The following RBFOX3 variants were observed in gnomAD, a reference collection of about 807,000 sequenced individuals.
The protein encoded by RBFOX3 is RNA binding fox-1 homolog 3.
In RBFOX3, 17 loss-of-function variants were observed where a neutral mutation model predicts 48.7. The observed-to-expected ratio is 0.35, with a 90% CI of 0.24 to 0.52. RBFOX3 has a LOEUF of 0.52. RBFOX3 is among the 20% of genes least tolerant of loss of function. The probability of loss-of-function intolerance (pLI) is 0.94; values close to 1 mark genes in which losing one functional copy is unlikely to be tolerated. For missense variants in RBFOX3, 382 were observed against 497.5 expected (o/e 0.77, Z 2.21); for synonymous variants, 212 against 209.5 (o/e 1.01, Z -0.10).
intron 4 of RBFOX3, among the ~76,000 whole-genome samples, chr17:79,203,129 C>A (rs1297146488): frequency 6.6e-6 from 1 of 151,590 alleles, no homozygotes; most frequent in Non-Finnish European, 1.5e-5. Context: ...TAGAAAGTGG[C>A]CCCTCGGGAT....
intron 2 of RBFOX3, among the ~76,000 whole-genome samples, chr17:79,476,560 C>T (rs895486408): frequency 1.3e-5 from 2 of 152,270 alleles, no homozygotes; most frequent in Non-Finnish European, 2.9e-5. Context: ...CCAGTCAGTT[C>T]AGGGCGTGTG....
the RBFOX3 span, among the ~76,000 whole-genome samples, chr17:79,616,663 A>C: frequency 1.3e-5 from 2 of 151,226 alleles, no homozygotes; most frequent in African/African-American, 2.4e-5. Flanking sequence ...TATGTGTCGG[A>C]TCTCCCCTTC....
intron 6 of RBFOX3, among the ~76,000 whole-genome samples, chr17:79,105,228 G>A (rs2077146012): frequency 6.6e-6 from 1 of 152,228 alleles, no homozygotes; most frequent in Admixed American, 6.5e-5. Context: ...AAAAGAGGGG[G>A]ACAGTAACCT....
the RBFOX3 span, among the ~76,000 whole-genome samples, chr17:79,621,887 C>T: frequency 1.3e-5 from 2 of 151,524 alleles, no homozygotes; most frequent in Non-Finnish European, 2.9e-5. Context: ...CAAGATCGAG[C>T]GTGTGTTCAT....
At chr17:79,638,111 T>C in the RBFOX3 span, among the ~76,000 whole-genome samples, 1 of 152,066 alleles carries the variant, frequency 6.6e-6, no homozygotes, top group African/African-American at 2.4e-5. Context: ...GAAAGCTTAT[T>C]AAAATAAATG....
chr17:79,639,799 T>C, the RBFOX3 span, among the ~76,000 whole-genome samples: 2 of 152,144 alleles, frequency 1.3e-5, no homozygotes, highest in South Asian at 4.1e-4. Context: ...CCATTCATGA[T>C]TAAAACTCTC....
At chr17:79,542,688 C>A (rs1555790686) in intron 1 of RBFOX3, among the ~76,000 whole-genome samples, 1 of 152,148 alleles carries the variant, frequency 6.6e-6, no homozygotes, top group Non-Finnish European at 1.5e-5. Context: ...GAGGCTGAGG[C>A]AAGAGAATCG....
At chr17:79,449,840 A>G (rs1049397102) in intron 2 of RBFOX3, among the ~76,000 whole-genome samples, 23 of 152,182 alleles carry the variant, frequency 1.5e-4, no homozygotes, top group Non-Finnish European at 2.8e-4. Flanking sequence ...CGATGGGCAC[A>G]CCATTGTGGT....
At chr17:79,462,366 G>A (rs1443845343) in intron 2 of RBFOX3, among the ~76,000 whole-genome samples, 1 of 152,188 alleles carries the variant, frequency 6.6e-6, no homozygotes, top group African/African-American at 2.4e-5. Flanking sequence ...TCTGTAGGGT[G>A]GAAAGAATGA....
rs1366256800 is a variant in RBFOX3, at chr17:79,090,752, G to C, written c.*131C>G. On this transcript the variant is annotated 3_prime_UTR_variant, in exon 15 of 15. Transcript: ENST00000693108. ...ACGCGGGACTTGGACTTGGTTGGAT[G>C]CCTCTTGGTTTGGTTGGTTTTTTTT... The C allele has an allele frequency of 3.5e-6, 4 of 1,130,786 alleles. No homozygotes were observed. The highest frequency in any genetic ancestry group is 4.9e-6 in the Non-Finnish European group (4 of 808,888). The allele number at this position is 1,130,786 out of a possible 1,614,324, so 70.0% of individuals were successfully genotyped here.
At chr17:79,349,681 TC>T (rs1239530608) in intron 2 of RBFOX3, among the ~76,000 whole-genome samples, 3 of 151,720 alleles carry the variant, frequency 2.0e-5, no homozygotes, top group Non-Finnish European at 4.4e-5. Flanking sequence ...TTATTTCCTT[TC>T]CCCCTGTATC....
the RBFOX3 span, among the ~76,000 whole-genome samples, chr17:79,644,646 C>T: frequency 1.3e-5 from 2 of 151,832 alleles, no homozygotes; most frequent in Admixed American, 6.6e-5. Flanking sequence ...TGCAATGATG[C>T]CACAAATAAT....
chr17:79,424,658 C>T (rs1218109437), intron 2 of RBFOX3, among the ~76,000 whole-genome samples: 2 of 152,196 alleles, frequency 1.3e-5, no homozygotes. Context: ...CTCCTCTCCC[C>T]TCTGGCCTCA....
chr17:79,212,615 C>A lies in RBFOX3; in HGVS notation c.-34+23151G>T, dbSNP rs1054266659. 2.6e-5 allele frequency among the ~76,000 whole-genome samples: 4 copies of A among 152,226 alleles called. No homozygotes were observed. The highest frequency in any genetic ancestry group is 4.4e-5 in the Non-Finnish European group (3 of 68,034). The stretch of plus-strand genomic sequence containing the variant: ...AGCAAATTCCCAGAGCCTGGTTCTT[C>A]CCCAGCCCTGGAGGGCCTCCCCGTA... On this transcript the variant is annotated intron_variant, in intron 4 of 14. Transcript: ENST00000693108. The surrounding 1 kb of genome is among the most constrained non-coding windows in gnomAD (Gnocchi z 4.7).
At chr17:79,269,805 A>G (rs1182678598) in intron 3 of RBFOX3, among the ~76,000 whole-genome samples, 1 of 148,612 alleles carries the variant, frequency 6.7e-6, no homozygotes, top group Admixed American at 6.6e-5. Flanking sequence ...TTTCCATTGT[A>G]AACATCATCA....
At chr17:79,171,651 T>TAGAG (rs5822279) in intron 4 of RBFOX3, among the ~76,000 whole-genome samples, 94,824 of 150,336 alleles carry the variant, frequency 0.63, 31,629 homozygotes, top group African/African-American at 0.86. Flanking sequence ...AAAAAAAAAA[T>TAGAG]AGATCTTGCC....
At chr17:79,522,375 G>A (rs1285529260) in intron 1 of RBFOX3, among the ~76,000 whole-genome samples, 1 of 152,032 alleles carries the variant, frequency 6.6e-6, no homozygotes, top group Non-Finnish European at 1.5e-5. Flanking sequence ...GGAGCTAGAG[G>A]CCCCCAAACT....
chr17:79,219,244 C>G (rs2059425650), intron 4 of RBFOX3, among the ~76,000 whole-genome samples: 1 of 152,154 alleles, frequency 6.6e-6, no homozygotes, highest in South Asian at 2.1e-4. Flanking sequence ...GGGAAGTGTT[C>G]CTGGGCTGAG....
chr17:79,656,807 A>AAGAAAG, the RBFOX3 span, among the ~76,000 whole-genome samples: 1 of 24,434 alleles, frequency 4.1e-5, no homozygotes, highest in South Asian at 1.9e-3. Flanking sequence ...AGAAAGAAAG[A>AAGAAAG]AAAGAAAGAG....
Sources: allele counts gnomAD v4.1 joint callset (sites outside exome capture counted in the v4.1 genomes callset), GRCh38; gene constraint gnomAD v4.1.1; non-coding constraint Gnocchi (gnomAD v3.1); transcripts MANE v1.5; gene names NCBI Gene and HGNC (gene_info 2026-07-23, HGNC 2026-07-21).